MTUS2: variants seen among roughly 807,000 people sequenced by gnomAD.
The protein encoded by MTUS2 is microtubule associated scaffold protein 2.
MTUS2 carries 40 observed loss-of-function variants against 114.1 expected under a neutral mutation model. The ratio of observed to expected loss-of-function variants is 0.35; its 90% CI spans 0.27 to 0.46. MTUS2 has a LOEUF of 0.46. Ranked by LOEUF, MTUS2 falls within the 20% of genes least tolerant of loss-of-function variation. MTUS2 has a pLI of 1.00. For synonymous variants in MTUS2, 688 were observed against 672.0 expected (o/e 1.02, Z -0.37); for missense variants, 1,679 against 1,705.4 (o/e 0.98, Z 0.27).
intron 2 of MTUS2, among the ~76,000 whole-genome samples, chr13:29,014,427 A>G (rs1593383633): frequency 1.3e-5 from 2 of 152,338 alleles, no homozygotes; most frequent in South Asian, 2.1e-4. Flanking sequence ...CATTCAACGG[A>G]TATTTATTGA....
chr13:29,205,023 C>A (rs1323270089), intron 5 of MTUS2, among the ~76,000 whole-genome samples: 3 of 152,276 alleles, frequency 2.0e-5, no homozygotes, highest in East Asian at 3.9e-4. Flanking sequence ...AGGGGCCTAG[C>A]AGCTGCCTTT....
chr13:29,070,996 T>C (rs1888895473), intron 4 of MTUS2, among the ~76,000 whole-genome samples: 1 of 152,074 alleles, frequency 6.6e-6, no homozygotes, highest in Non-Finnish European at 1.5e-5. Flanking sequence ...TTTTTTGGTT[T>C]TTGTTTATTT....
intron 2 of MTUS2, among the ~76,000 whole-genome samples, chr13:28,894,189 C>G (rs1285094670): frequency 6.7e-6 from 1 of 149,148 alleles, no homozygotes; most frequent in African/African-American, 2.5e-5. Context: ...GAGATGAGGC[C>G]TTTGGGAAGT....
intron 2 of MTUS2, among the ~76,000 whole-genome samples, chr13:28,939,686 GTTTCTTGCAAACCAGT>G (rs1482495009): frequency 1.3e-5 from 2 of 151,850 alleles, no homozygotes; most frequent in Non-Finnish European, 2.9e-5. Context: ...TGGTGGACTG[GTTTCTTGCAAACCAGT>G]TCACCTGCTG....
intron 4 of MTUS2, among the ~76,000 whole-genome samples, chr13:29,055,210 A>G (rs1464741096): frequency 6.6e-6 from 1 of 152,114 alleles, no homozygotes; most frequent in South Asian, 2.1e-4. Flanking sequence ...TTAAAGCTCT[A>G]TTATTAGGTG....
chr13:28,907,752 G>T (rs759393552), intron 2 of MTUS2, among the ~76,000 whole-genome samples: 2 of 151,536 alleles, frequency 1.3e-5, no homozygotes, highest in Admixed American at 6.6e-5. Context: ...AATTCATAAC[G>T]CAAGTACTGA....
At chr13:28,855,740 T>C (rs1168669887) in intron 2 of MTUS2, among the ~76,000 whole-genome samples, 1 of 152,216 alleles carries the variant, frequency 6.6e-6, no homozygotes, top group Non-Finnish European at 1.5e-5. Context: ...AACATACACA[T>C]GCATGTATCT....
At chr13:29,325,508 AGAAGGAGG>A (rs1566131982) in intron 7 of MTUS2, among the ~76,000 whole-genome samples, 4,719 of 135,518 alleles carry the variant, frequency 0.035, 271 homozygotes, top group African/African-American at 0.11. Flanking sequence ...GAGGAGGAGG[AGAAGGAGG>A]AGGAGGAGGG....
chr13:29,189,900 T>C lies in MTUS2; in HGVS notation c.2644+88930T>C. Among the ~76,000 whole-genome samples the C allele has an allele frequency of 1.3e-5, 2 of 152,150 alleles. 1 individual carries two copies. The highest frequency in any genetic ancestry group is 2.9e-5 in the Non-Finnish European group (2 of 68,016). ...TAGGATAATATTTGGAGGTGGGGCA[T>C]TTGGGAAATAATTAGGCTTAAATTA... is the stretch of plus-strand genomic sequence containing the variant. On this transcript the variant is annotated intron_variant, in intron 5 of 15. Transcript: ENST00000612955.
chr13:28,934,801 G>A (rs1881802806), intron 2 of MTUS2, among the ~76,000 whole-genome samples: 1 of 152,232 alleles, frequency 6.6e-6, no homozygotes, highest in East Asian at 1.9e-4. Flanking sequence ...GAGATTACAG[G>A]CATTTACTTT....
chr13:29,285,206 A>C (rs76838073), intron 6 of MTUS2, among the ~76,000 whole-genome samples: 2 of 146,726 alleles, frequency 1.4e-5, no homozygotes, highest in South Asian at 2.1e-4. Context: ...AAAAAAAAAA[A>C]AAACCTCCAA....
chr13:29,490,634 C>G (rs1164630554), intron 11 of MTUS2, among the ~76,000 whole-genome samples: 1 of 152,276 alleles, frequency 6.6e-6, no homozygotes, highest in East Asian at 1.9e-4. Context: ...GTAGTTCTTC[C>G]TTGCATCTGA....
At chr13:28,864,514 C>CATA (rs1341585910) in intron 2 of MTUS2, among the ~76,000 whole-genome samples, 3 of 152,138 alleles carry the variant, frequency 2.0e-5, no homozygotes, top group South Asian at 4.2e-4. Flanking sequence ...TCATAATTAA[C>CATA]AGAAGTTAAA....
At chr13:28,937,712 C>T (rs965607468) in intron 2 of MTUS2, among the ~76,000 whole-genome samples, 3 of 152,108 alleles carry the variant, frequency 2.0e-5, no homozygotes, top group African/African-American at 7.2e-5. Context: ...GTGGGTCCTG[C>T]GTGTCCTCAG....
intron 4 of MTUS2, among the ~76,000 whole-genome samples, chr13:29,094,344 A>AT (rs34314860): frequency 3.3e-5 from 5 of 150,386 alleles, no homozygotes; most frequent in Middle Eastern, 3.4e-3. Flanking sequence ...CTTTGTGGGA[A>AT]TTTTTTTTTT....
chr13:29,236,896 A>G (rs1896555361), intron 5 of MTUS2, among the ~76,000 whole-genome samples: 2 of 152,352 alleles, frequency 1.3e-5, no homozygotes, highest in African/African-American at 4.8e-5. Flanking sequence ...CTGGAATGTG[A>G]GCAATTGTAT....
At chr13:29,228,842 T>G (rs975324678) in intron 5 of MTUS2, among the ~76,000 whole-genome samples, 2 of 152,214 alleles carry the variant, frequency 1.3e-5, no homozygotes, top group African/African-American at 4.8e-5. Flanking sequence ...ATTTTCTCCC[T>G]TCTTGTAAAA....
intron 14 of MTUS2, among the ~76,000 whole-genome samples, chr13:29,499,081 C>CT (rs1300065844): frequency 2.6e-5 from 4 of 152,222 alleles, no homozygotes; most frequent in Non-Finnish European, 4.4e-5. Context: ...CCCTCAGGAC[C>CT]TAATCCCCTC....
intron 5 of MTUS2, among the ~76,000 whole-genome samples, chr13:29,218,978 T>A (rs146387857): frequency 0.058 from 8,638 of 149,244 alleles, 363 homozygotes; most frequent in Non-Finnish European, 0.089. Flanking sequence ...TCATATATAT[T>A]TTTTTTATTA....
Sources: allele counts gnomAD v4.1 joint callset (sites outside exome capture counted in the v4.1 genomes callset), GRCh38; gene constraint gnomAD v4.1.1; transcripts MANE v1.5; gene names NCBI Gene and HGNC (gene_info 2026-07-23, HGNC 2026-07-21).